The following BRSK2 variants were observed in gnomAD, a reference collection of about 807,000 sequenced individuals.
The protein encoded by BRSK2 is BR serine/threonine kinase 2, also known as serine/threonine-protein kinase BRSK2.
In BRSK2, 19 loss-of-function variants were observed where a neutral mutation model predicts 83.3. The observed-to-expected ratio is 0.23, with a 90% CI of 0.16 to 0.33. The LOEUF (loss-of-function observed/expected upper bound fraction) is 0.33, where lower values mean the gene tolerates loss of function less well. Among genes scored for constraint, BRSK2 ranks in the 10% least tolerant of loss-of-function variants. The probability of loss-of-function intolerance (pLI) is 1.00; values close to 1 mark genes in which losing one functional copy is unlikely to be tolerated. For missense variants in BRSK2, 798 were observed against 1,042.3 expected (o/e 0.77, Z 3.23); for synonymous variants, 519 against 435.4 (o/e 1.19, Z -2.39).
chr11:1,403,428 G>C (rs1358318528), intron 1 of BRSK2, among the ~76,000 whole-genome samples: 1 of 152,228 alleles, frequency 6.6e-6, no homozygotes, highest in East Asian at 1.9e-4. Flanking sequence ...TGGAGCTGAA[G>C]GCTGCTCTTG....
rs1847611636 is a variant in BRSK2, at chr11:1,462,504, G to C, written c.*1781G>C. On this transcript the variant is annotated 3_prime_UTR_variant, in exon 20 of 20. Transcript: ENST00000528841. Reference sequence around the variant, plus strand: ...AGCAAACGCCAGGCGGTACAGGCGGGAAGGGGCTCTCCACGGAGATCGAGG... The same window carrying C: ...AGCAAACGCCAGGCGGTACAGGCGGCAAGGGGCTCTCCACGGAGATCGAGG... 6.6e-6 allele frequency: 1 copy of C among 152,226 alleles called. No individual in the cohort carries two copies. The highest frequency in any genetic ancestry group is 2.1e-4 in the South Asian group (1 of 4,834). 9.4% of individuals were successfully genotyped at this position (152,226 alleles called of 1,614,324 possible). A position where few individuals can be genotyped will look rare whatever the true frequency, so the allele number is the denominator to read the frequency against.
intron 1 of BRSK2, among the ~76,000 whole-genome samples, chr11:1,419,846 G>A (rs1362833757): frequency 6.6e-6 from 1 of 152,260 alleles, no homozygotes; most frequent in Non-Finnish European, 1.5e-5. Flanking sequence ...CTGGGAGGCA[G>A]AGATTGCAGT....
At position 1,456,472 on chromosome 11, in the gene BRSK2, G is replaced by T. The variant is rs781151332; in HGVS notation, c.1793G>T (p.Gly598Val). The T allele has an allele frequency of 1.3e-6, 2 of 1,577,744 alleles. No homozygotes were observed. Among genetic ancestry groups the T allele is most frequent in the African/African-American group, 2.7e-5 (2 of 74,008 alleles). ...CAGGTTGATATCACCTACACGGAGG[G>T]TGGGGAGGCGCAGAAGGAGAACGGC... is the stretch of plus-strand genomic sequence containing the variant. ...KFQVDITYTE[G>V]GEAQKENGIY... The change falls in exon 17 of 20, where the codon GGT (glycine) becomes GTT (valine). Residue 598 changes from glycine to valine, a missense_variant. Physicochemically the swap from Gly to Val is moderately radical, Grantham distance 109 (BLOSUM62 -3). Coordinates refer to ENST00000528841, the MANE Select transcript of BRSK2 (RefSeq NM_001256627.2).
chr11:1,425,797 C>T (rs939044521), intron 1 of BRSK2, among the ~76,000 whole-genome samples: 1 of 152,152 alleles, frequency 6.6e-6, no homozygotes, highest in African/African-American at 2.4e-5. Context: ...CGACAGGGTC[C>T]CCAGGTGGCA....
At chr11:1,418,664 G>A (rs10833655) in intron 1 of BRSK2, among the ~76,000 whole-genome samples, 1 of 151,612 alleles carries the variant, frequency 6.6e-6, no homozygotes, top group African/African-American at 2.4e-5. Context: ...TTTGGAGGGG[G>A]TCCCATTTCC....
chr11:1,454,667 C>A lies in BRSK2; in HGVS notation c.1668+59C>A. On this transcript the variant is annotated intron_variant, in intron 16 of 19. Transcript: ENST00000528841. The surrounding 1 kb of genome is among the most constrained non-coding windows in gnomAD (Gnocchi z 5.2). ...CCCTCCCAACCCCACACGGCCCAGCCCCGAGAATCCAGCCTCCTCACGTAG... is the reference window on the plus strand; with the variant it reads ...CCCTCCCAACCCCACACGGCCCAGCACCGAGAATCCAGCCTCCTCACGTAG... 2 of 1,595,454 alleles carry A rather than the reference C, an allele frequency of 1.3e-6. No homozygotes were observed. The highest frequency in any genetic ancestry group is 1.1e-5 in the South Asian group (1 of 90,182).
chr11:1,408,826 T>C (rs968367968), intron 1 of BRSK2, among the ~76,000 whole-genome samples: 1 of 150,788 alleles, frequency 6.6e-6, no homozygotes, highest in Non-Finnish European at 1.5e-5. Flanking sequence ...TGTGTGTGTG[T>C]GTGTGTGTGG....
chr11:1,456,359 C>A lies in BRSK2; in HGVS notation c.1680C>A (p.Leu560=). 1 of 1,567,498 alleles carries A rather than the reference C, an allele frequency of 6.4e-7. No individual in the cohort carries two copies. The highest frequency in any genetic ancestry group is 1.2e-5 in the South Asian group (1 of 85,410). Residue 560 remains leucine (L), a synonymous_variant, in exon 17 of 20, where the codon CTC becomes CTA. Transcript: ENST00000528841. ...IVHAFLSIPS[L]SHSVISQTSF... is the part of the protein sequence containing the mutation. The stretch of plus-strand genomic sequence containing the variant: ...CTCTCTCTCCACAGATTCCCAGTCT[C>A]AGCCACAGCGTCATCTCCCAAACGA...
intron 19 of BRSK2, chr11:1,459,475 G>A: frequency 3.5e-6 from 2 of 566,316 alleles, no homozygotes; most frequent in Non-Finnish European, 6.4e-6. Context: ...CAGGCCCTAG[G>A]ATCAGGGCAG....
chr11:1,391,239 C>T lies in BRSK2; in HGVS notation c.91+864C>T, dbSNP rs145576537. 1.5e-3 allele frequency among the ~76,000 whole-genome samples: 234 copies of T among 152,362 alleles called. 1 individual carries two copies. Among genetic ancestry groups the T allele is most frequent in the African/African-American group, 5.3e-3 (221 of 41,588 alleles). On this transcript the variant is annotated intron_variant, in intron 1 of 19. Transcript: ENST00000528841. ...AGAGTCGCCTTTGTGGAGGCTGGGGCTCAGCCATTTTCTTTCTTCTCTCAG... is the reference window on the plus strand; with the variant it reads ...AGAGTCGCCTTTGTGGAGGCTGGGGTTCAGCCATTTTCTTTCTTCTCTCAG...
At chr11:1,395,287 C>A (rs147771602) in intron 1 of BRSK2, among the ~76,000 whole-genome samples, 17 of 152,136 alleles carry the variant, frequency 1.1e-4, no homozygotes, top group Non-Finnish European at 2.4e-4. Flanking sequence ...GCACAGAGCC[C>A]GGGGAGCCAG....
chr11:1,416,829 G>C (rs1848140469), intron 1 of BRSK2, among the ~76,000 whole-genome samples: 1 of 152,126 alleles, frequency 6.6e-6, no homozygotes, highest in Admixed American at 6.5e-5. Flanking sequence ...GATGTATTTA[G>C]TACATTTGGG....
chr11:1,411,709 A>C, intron 1 of BRSK2: 1 of 1,522,268 alleles, frequency 6.6e-7, no homozygotes, highest in Non-Finnish European at 8.8e-7. Context: ...TGCAGCCCCC[A>C]CGGCAGGGAC....
intron 1 of BRSK2, chr11:1,411,293 C>T: frequency 3.8e-6 from 5 of 1,326,286 alleles, no homozygotes; most frequent in Non-Finnish European, 4.8e-6. Flanking sequence ...CAGTGCCCCG[C>T]CATGGCCTGC....
In BRSK2 at chr11:1,462,504, G is replaced by A. The variant is rs1847611636; in HGVS notation, c.*1781G>A. The stretch of plus-strand genomic sequence containing the variant: ...AGCAAACGCCAGGCGGTACAGGCGG[G>A]AAGGGGCTCTCCACGGAGATCGAGG... On this transcript the variant is annotated 3_prime_UTR_variant, in exon 20 of 20. Transcript: ENST00000528841. The A allele has an allele frequency of 1.3e-5, 2 of 152,226 alleles. No individual in the cohort carries two copies. The highest frequency in any genetic ancestry group is 4.8e-5 in the African/African-American group (2 of 41,420). 9.4% of individuals were successfully genotyped at this position (152,226 alleles called of 1,614,324 possible).
At chr11:1,450,541 A>T in intron 13 of BRSK2, 46 bp from the exon 14 acceptor site, 1 of 1,006,668 alleles carries the variant, frequency 9.9e-7, no homozygotes, top group Non-Finnish European at 1.5e-6. Flanking sequence ...CCCGGCCCCC[A>T]CCCGCCGGGA....
intron 1 of BRSK2, among the ~76,000 whole-genome samples, chr11:1,422,040 G>A (rs1444806250): frequency 6.6e-6 from 1 of 152,148 alleles, no homozygotes; most frequent in Non-Finnish European, 1.5e-5. Flanking sequence ...TGCCCCACGG[G>A]GGGAGGGTGG....
intron 1 of BRSK2, among the ~76,000 whole-genome samples, chr11:1,397,145 C>G (rs1383787213): frequency 6.6e-6 from 1 of 152,216 alleles, no homozygotes; most frequent in Non-Finnish European, 1.5e-5. Flanking sequence ...GGGCTGGTGC[C>G]TGTGTCAGGC....
chr11:1,433,282 G>A (rs1159220554), intron 1 of BRSK2, among the ~76,000 whole-genome samples: 3 of 152,224 alleles, frequency 2.0e-5, no homozygotes, highest in South Asian at 2.1e-4. Flanking sequence ...ATGCTGTCCC[G>A]GTGCCCTTGG....
Sources: gnomAD v4.1 joint callset for allele counts (sites outside exome capture counted in the v4.1 genomes callset) on GRCh38, gnomAD v4.1.1 for gene constraint, Gnocchi (gnomAD v3.1) non-coding constraint, MANE v1.5 for transcripts, NCBI Gene and HGNC (gene_info 2026-07-23, HGNC 2026-07-21) for gene names.